RUFY1: variants seen among roughly 807,000 people sequenced by gnomAD.
RUFY1 encodes RUN and FYVE domain containing 1.
In RUFY1, 54 loss-of-function variants were observed where a neutral mutation model predicts 94.6. The observed-to-expected ratio is 0.57, with a 90% CI of 0.46 to 0.72. The LOEUF (loss-of-function observed/expected upper bound fraction) is 0.72, where lower values mean the gene tolerates loss of function less well. Ranked by LOEUF, RUFY1 falls within the 30% of genes least tolerant of loss-of-function variation. The pLI, the probability that RUFY1 is intolerant of heterozygous loss-of-function variation, is 0.00. For missense variants in RUFY1, 883 were observed against 883.9 expected (o/e 1.00, Z 0.01); for synonymous variants, 396 against 347.3 (o/e 1.14, Z -1.56).
intron 6 of RUFY1, among the ~76,000 whole-genome samples, chr5:179,577,386 C>T (rs558458465): frequency 5.8e-4 from 88 of 151,308 alleles, no homozygotes; most frequent in Non-Finnish European, 1.2e-3. Flanking sequence ...CCAGGCTGAT[C>T]TCGAACTCCT....
rs1182420065 is a variant in RUFY1 at position 179,585,691 on chromosome 5, T to TC, written c.957-103dup. On this transcript the variant is annotated intron_variant, in intron 7 of 17. Transcript: ENST00000319449. ...GAGTTAATTGGAGACCCTCTGCCTTTCCATTTCATACAGGAAATCTAGGAA... is the reference window on the plus strand; with the variant it reads ...GAGTTAATTGGAGACCCTCTGCCTTTCCCATTTCATACAGGAAATCTAGGAA... 14 of 816,582 alleles carry TC rather than the reference T, an allele frequency of 1.7e-5. No individual in the cohort carries two copies. In the African/African-American group the frequency reaches 2.4e-4, roughly 14 times the overall value. The allele number at this position is 816,582 out of a possible 1,614,324, so 50.6% of individuals were successfully genotyped here.
At chr5:179,556,167 C>G (rs992803574) in intron 1 of RUFY1, among the ~76,000 whole-genome samples, 4 of 152,042 alleles carry the variant, frequency 2.6e-5, no homozygotes, top group African/African-American at 4.8e-5. Flanking sequence ...TTGATAATTA[C>G]CACCATCCAT....
Position 179,609,822 on chromosome 5 carries a change from T to TA in RUFY1, c.*303_*304insA, listed in dbSNP as rs1767549233. 7.0e-6 allele frequency: 2 copies of TA among 285,140 alleles called. No individual in the cohort carries two copies. 17.7% of individuals were successfully genotyped at this position (285,140 alleles called of 1,614,324 possible). ...CACTTTTCAAAGAATTTAACCTATT[T>TA]TACAGCAGTTCAGTTCTGCTAGTGA... On this transcript the variant is annotated 3_prime_UTR_variant, in exon 18 of 18. Coordinates refer to ENST00000319449, the MANE Select transcript of RUFY1 (RefSeq NM_025158.5).
chr5:179,602,175 C>T (rs1766502286), intron 15 of RUFY1, 189 bp downstream of exon 15: 2 of 577,066 alleles, frequency 3.5e-6, no homozygotes, highest in Non-Finnish European at 6.3e-6. Flanking sequence ...CTGCTACCCA[C>T]ATGGGGTGTC....
intron 14 of RUFY1, chr5:179,599,378 A>C: frequency 6.5e-6 from 1 of 152,854 alleles, no homozygotes; most frequent in East Asian, 1.9e-4. Context: ...GGGAGGAACC[A>C]GTAAACATCT....
At chr5:179,584,965 C>T (rs1239866784) in intron 7 of RUFY1, among the ~76,000 whole-genome samples, 1 of 151,874 alleles carries the variant, frequency 6.6e-6, no homozygotes, top group African/African-American at 2.4e-5. Flanking sequence ...GAAACCCCGT[C>T]TCTACTAAAA....
intron 1 of RUFY1, among the ~76,000 whole-genome samples, chr5:179,554,015 C>G (rs1486850898): frequency 6.6e-6 from 1 of 152,094 alleles, no homozygotes; most frequent in Admixed American, 6.6e-5. Context: ...ACAAGAAAAA[C>G]AGGATGGGAG....
chr5:179,572,945 TAGTGTGA>T (rs1341487568), intron 5 of RUFY1, among the ~76,000 whole-genome samples: 4 of 152,202 alleles, frequency 2.6e-5, no homozygotes, highest in African/African-American at 9.6e-5. Flanking sequence ...TGTTTTGGCA[TAGTGTGA>T]AGTAGGAATC....
chr5:179,608,531 C>T (rs1470963694), intron 17 of RUFY1: 1 of 985,398 alleles, frequency 1.0e-6, no homozygotes, highest in Non-Finnish European at 1.2e-6. Context: ...ACTCCACCCC[C>T]TTGGAATGCA....
At chr5:179,598,561 C>A in intron 13 of RUFY1, 131 bp from the exon 14 acceptor site, 1 of 1,002,522 alleles carries the variant, frequency 1.0e-6, no homozygotes, top group Non-Finnish European at 1.5e-6. Context: ...GAGAGGGAAG[C>A]GTTGCCGAAG....
intron 11 of RUFY1, 140 bp downstream of exon 11, chr5:179,593,785 T>A: frequency 7.4e-7 from 1 of 1,348,006 alleles, no homozygotes; most frequent in Non-Finnish European, 9.9e-7. Context: ...CTATTATGAT[T>A]TTGATCCTCA....
chr5:179,591,531 C>A, intron 9 of RUFY1, 94 bp from the exon 10 acceptor site: 1 of 820,108 alleles, frequency 1.2e-6, no homozygotes, highest in Non-Finnish European at 2.0e-6. Context: ...AATTACCTTA[C>A]ATTTTTTAAA....
chr5:179,578,040 C>T (rs941296344), intron 6 of RUFY1, among the ~76,000 whole-genome samples: 1 of 152,140 alleles, frequency 6.6e-6, no homozygotes, highest in South Asian at 2.1e-4. Flanking sequence ...ACACTGTCCC[C>T]TTGCCTCCAT....
intron 3 of RUFY1, 58 bp downstream of exon 3, chr5:179,562,722 C>G: frequency 1.1e-6 from 1 of 920,450 alleles, no homozygotes; most frequent in Non-Finnish European, 1.8e-6. Context: ...CATATTTACT[C>G]ATTTCTCAAT....
At chr5:179,576,349 T>C (rs1484299025) in intron 5 of RUFY1, among the ~76,000 whole-genome samples, 2 of 152,236 alleles carry the variant, frequency 1.3e-5, no homozygotes, top group Non-Finnish European at 2.9e-5. Context: ...AAATATTGAT[T>C]AGACCATTTT....
intron 1 of RUFY1, among the ~76,000 whole-genome samples, chr5:179,559,171 G>A (rs1232547610): frequency 6.6e-6 from 1 of 152,136 alleles, no homozygotes; most frequent in Admixed American, 6.5e-5. Context: ...TCTTACTTTG[G>A]GATCTAAACT....
In RUFY1 at chr5:179,591,757, C is replaced by A. The variant is rs769438894; in HGVS notation, c.1245+16C>A. The stretch of plus-strand genomic sequence containing the variant: ...AGTCCGGTTGGTGAGTGTGCAAGAC[C>A]GAGTGTCTTTAGAAAGAGTTTCCCC... On this transcript the variant is annotated intron_variant, in intron 10 of 17. Transcript: ENST00000319449. 1 of 1,432,822 alleles carries A rather than the reference C, an allele frequency of 7.0e-7. No homozygotes were observed. The highest frequency in any genetic ancestry group is 1.4e-5 in the African/African-American group (1 of 70,370). 88.8% of individuals were successfully genotyped at this position (1,432,822 alleles called of 1,614,324 possible).
chr5:179,559,165 A>T (rs966417916), intron 1 of RUFY1, among the ~76,000 whole-genome samples: 1 of 152,134 alleles, frequency 6.6e-6, no homozygotes, highest in Admixed American at 6.6e-5. Flanking sequence ...CAGGACTCTT[A>T]CTTTGGGATC....
chr5:179,575,340 TCTC>T (rs1489884791), intron 5 of RUFY1, among the ~76,000 whole-genome samples: 1 of 151,752 alleles, frequency 6.6e-6, no homozygotes, highest in Non-Finnish European at 1.5e-5. Context: ...AGACTTGCTC[TCTC>T]CTCGTCTGTC....
Sources: allele counts gnomAD v4.1 joint callset (sites outside exome capture counted in the v4.1 genomes callset), GRCh38; gene constraint gnomAD v4.1.1; transcripts MANE v1.5; gene names NCBI Gene and HGNC (gene_info 2026-07-23, HGNC 2026-07-21).